The following DYNC1I1 variants were observed in gnomAD, a reference collection of about 807,000 sequenced individuals.
DYNC1I1 encodes dynein cytoplasmic 1 intermediate chain 1.
DYNC1I1 carries 43 observed loss-of-function variants against 86.6 expected under a neutral mutation model. The ratio of observed to expected loss-of-function variants is 0.50; its 90% CI spans 0.39 to 0.64. The LOEUF is 0.64. Among genes scored for constraint, DYNC1I1 ranks in the 30% least tolerant of loss-of-function variants. The pLI, the probability that DYNC1I1 is intolerant of heterozygous loss-of-function variation, is 0.00. For missense variants in DYNC1I1, 604 were observed against 788.8 expected (o/e 0.77, Z 2.81); for synonymous variants, 262 against 283.7 (o/e 0.92, Z 0.77).
chr7:95,901,301 A>G (rs1178708312), intron 6 of DYNC1I1, among the ~76,000 whole-genome samples: 1 of 152,214 alleles, frequency 6.6e-6, no homozygotes. Context: ...GGCCAAGATC[A>G]GACTGGTTTC....
intron 14 of DYNC1I1, among the ~76,000 whole-genome samples, chr7:96,053,119 T>G (rs1789456355): frequency 6.6e-6 from 1 of 152,172 alleles, no homozygotes. Flanking sequence ...AGCGACTTCA[T>G]TGACTGGAGT....
intron 7 of DYNC1I1, among the ~76,000 whole-genome samples, chr7:95,981,633 ACTT>A (rs1213046474): frequency 6.6e-6 from 1 of 152,120 alleles, no homozygotes; most frequent in Admixed American, 6.6e-5. Flanking sequence ...TGTAGAATCT[ACTT>A]CTTCTTAAAG....
chr7:95,970,680 A>G (rs1793143806), intron 6 of DYNC1I1, among the ~76,000 whole-genome samples: 1 of 152,190 alleles, frequency 6.6e-6, no homozygotes, highest in Non-Finnish European at 1.5e-5. Flanking sequence ...TACCATTAGT[A>G]ATTTCCAGAA....
intron 16 of DYNC1I1, among the ~76,000 whole-genome samples, chr7:96,084,832 A>G (rs951001457): frequency 2.0e-5 from 3 of 152,144 alleles, no homozygotes; most frequent in Non-Finnish European, 2.9e-5. Context: ...GGAGATCCCA[A>G]TTCACCTCCC....
intron 6 of DYNC1I1, among the ~76,000 whole-genome samples, chr7:95,880,901 TC>T (rs1790439929): frequency 6.6e-6 from 1 of 152,082 alleles, no homozygotes; most frequent in South Asian, 2.1e-4. Flanking sequence ...CATCTCAGCC[TC>T]CCATAACTTG....
rs373047379 is a variant in DYNC1I1, at chr7:95,870,046, G to T, written c.490+48G>T. 2.2e-5 allele frequency: 33 copies of T among 1,500,776 alleles called. No individual in the cohort carries two copies. In the African/African-American group the frequency reaches 4.2e-4, roughly 19 times the overall value. 93.0% of individuals were successfully genotyped at this position (1,500,776 alleles called of 1,614,324 possible). On this transcript the variant is annotated intron_variant, in intron 6 of 16. Transcript: ENST00000447467. The stretch of plus-strand genomic sequence containing the variant: ...TTTCCATATTATCTCTGGAGAAATC[G>T]CTGGGAAGTAACATCTTTCTTGTTG...
chr7:95,975,200 T>C (rs547425617), intron 6 of DYNC1I1, among the ~76,000 whole-genome samples: 29 of 152,314 alleles, frequency 1.9e-4, no homozygotes, highest in African/African-American at 6.7e-4. Flanking sequence ...TACTAAATTG[T>C]AAGATTGTAG....
intron 11 of DYNC1I1, among the ~76,000 whole-genome samples, chr7:96,030,548 GCTTT>G (rs1363029853): frequency 6.6e-6 from 1 of 152,022 alleles, no homozygotes; most frequent in Non-Finnish European, 1.5e-5. Context: ...TTCTAGACTT[GCTTT>G]CTTTCTCTGC....
intron 10 of DYNC1I1, among the ~76,000 whole-genome samples, chr7:96,000,945 A>G (rs547742911): frequency 9.2e-5 from 14 of 152,354 alleles, no homozygotes; most frequent in African/African-American, 3.4e-4. Flanking sequence ...TACCATGAGA[A>G]TACACCTTTA....
At chr7:96,103,082 C>T (rs1164960432), downstream of DYNC1I1, among the ~76,000 whole-genome samples, 1 of 152,126 alleles carries the variant, frequency 6.6e-6, no homozygotes, top group African/African-American at 2.4e-5. Context: ...CCATTGTCAC[C>T]CAACAGGATT....
intron 6 of DYNC1I1, among the ~76,000 whole-genome samples, chr7:95,892,941 A>T (rs917382079): frequency 3.6e-4 from 55 of 152,346 alleles, no homozygotes; most frequent in Admixed American, 2.6e-4. Flanking sequence ...CCTCTTAAAA[A>T]AATTGCCATC....
intron 6 of DYNC1I1, among the ~76,000 whole-genome samples, chr7:95,940,761 A>G (rs970331046): frequency 9.9e-5 from 15 of 152,180 alleles, no homozygotes; most frequent in Non-Finnish European, 1.6e-4. Flanking sequence ...CCTGTAGCTC[A>G]GAGTAGTTTG....
intron 14 of DYNC1I1, among the ~76,000 whole-genome samples, chr7:96,048,874 G>T (rs1299216247): frequency 1.3e-5 from 2 of 152,144 alleles, no homozygotes; most frequent in African/African-American, 2.4e-5. Context: ...AAACAGTTAC[G>T]CTTGAAACTT....
At chr7:96,047,567 T>C (rs1789255648) in intron 14 of DYNC1I1, among the ~76,000 whole-genome samples, 1 of 152,116 alleles carries the variant, frequency 6.6e-6, no homozygotes, top group Non-Finnish European at 1.5e-5. Context: ...GTGAGAACAC[T>C]TTTAGTGGAG....
At chr7:96,072,647 C>G (rs573888031) in intron 14 of DYNC1I1, among the ~76,000 whole-genome samples, 1 of 152,284 alleles carries the variant, frequency 6.6e-6, no homozygotes, top group African/African-American at 2.4e-5. Flanking sequence ...CTTTTCAAAA[C>G]TTGCAGTATT....
At chr7:96,096,875 G>A (rs1053300276) in intron 16 of DYNC1I1, among the ~76,000 whole-genome samples, 7 of 152,012 alleles carry the variant, frequency 4.6e-5, no homozygotes, top group East Asian at 1.9e-4. Context: ...TTATTATGAC[G>A]AATGAGTTAA....
At chr7:96,078,220 C>T (rs548218986) in intron 15 of DYNC1I1, among the ~76,000 whole-genome samples, 171 of 152,240 alleles carry the variant, frequency 1.1e-3, no homozygotes, top group African/African-American at 3.8e-3. Context: ...TCATATTTCC[C>T]ACCTCAGTAT....
chr7:95,961,572 A>G (rs1438581270), intron 6 of DYNC1I1, among the ~76,000 whole-genome samples: 1 of 152,188 alleles, frequency 6.6e-6, no homozygotes, highest in East Asian at 1.9e-4. Context: ...GGAACAATAT[A>G]GAATGGCAGA....
At chr7:95,841,162 G>GA (rs1413769222) in intron 5 of DYNC1I1, among the ~76,000 whole-genome samples, 5 of 152,176 alleles carry the variant, frequency 3.3e-5, no homozygotes, top group African/African-American at 1.2e-4. Context: ...CTCTGGTAGC[G>GA]ACTAGAAAAT....
Sources: allele counts gnomAD v4.1 joint callset (sites outside exome capture counted in the v4.1 genomes callset), GRCh38; gene constraint gnomAD v4.1.1; transcripts MANE v1.5; gene names NCBI Gene and HGNC (gene_info 2026-07-23, HGNC 2026-07-21).